PLPP1: variants seen among roughly 807,000 people sequenced by gnomAD.
PLPP1 encodes phospholipid phosphatase 1, also known as lipid phosphate phosphohydrolase 1a.
PLPP1 carries 24 observed loss-of-function variants against 31.2 expected under a neutral mutation model. The ratio of observed to expected loss-of-function variants is 0.77; its 90% CI spans 0.56 to 1.08. PLPP1 has a LOEUF of 1.08. PLPP1 is among the 50% of genes least tolerant of loss of function. PLPP1 has a pLI of 0.00. For synonymous variants in PLPP1, 146 were observed against 126.3 expected (o/e 1.16, Z -1.05); for missense variants, 319 against 342.7 (o/e 0.93, Z 0.55).
Position 55,472,030 on chromosome 5 carries a change from G to A in PLPP1, c.210+3269C>T, listed in dbSNP as rs1483392718. ...CCAGCTCCTCAGGTGGCTGAAGCAGGAGAATCACTTAAACCCAGGAGGTTG... is the reference window on the plus strand; with the variant it reads ...CCAGCTCCTCAGGTGGCTGAAGCAGAAGAATCACTTAAACCCAGGAGGTTG... On this transcript the variant is annotated intron_variant, in intron 2 of 5. Coordinates refer to ENST00000307259, the MANE Select transcript of PLPP1 (RefSeq NM_003711.4). Among the ~76,000 whole-genome samples the A allele has an allele frequency of 2.0e-5, 3 of 152,140 alleles. No individual in the cohort carries two copies. In the East Asian group the frequency reaches 5.8e-4, roughly 29 times the overall value.
Position 55,464,931 on chromosome 5 carries a change from C to T in PLPP1, c.491+2938G>A, listed in dbSNP as rs377151536. Among the ~76,000 whole-genome samples, 11 of 152,156 alleles carry T rather than the reference C, an allele frequency of 7.2e-5. No individual in the cohort carries two copies. In the South Asian group the frequency reaches 2.3e-3, roughly 32 times the overall value. ...ACTTAAAATGGGCAAAATTTTATGT[C>T]ATGTGAATTATACCTCAAAAAAGCT... On this transcript the variant is annotated intron_variant, in intron 3 of 5. Transcript: ENST00000307259.
chr5:55,512,396 G>A (rs1328304441), intron 1 of PLPP1, among the ~76,000 whole-genome samples: 5 of 151,290 alleles, frequency 3.3e-5, no homozygotes, highest in South Asian at 4.2e-4. Flanking sequence ...ACTTGAACCC[G>A]GGAAGTGGAG....
intron 4 of PLPP1, among the ~76,000 whole-genome samples, chr5:55,441,443 C>T (rs1167821001): frequency 6.6e-6 from 1 of 152,196 alleles, no homozygotes; most frequent in Non-Finnish European, 1.5e-5. Flanking sequence ...CAAATAGGAA[C>T]AAGGACAGCT....
At chr5:55,526,465 T>C (rs1163076899) in intron 1 of PLPP1, among the ~76,000 whole-genome samples, 1 of 152,180 alleles carries the variant, frequency 6.6e-6, no homozygotes, top group Non-Finnish European at 1.5e-5. Context: ...AGAAAAAGCC[T>C]TGCAATAGGA....
At chr5:55,436,740 T>G (rs1007115973) in intron 4 of PLPP1, among the ~76,000 whole-genome samples, 1 of 152,202 alleles carries the variant, frequency 6.6e-6, no homozygotes, top group Non-Finnish European at 1.5e-5. Flanking sequence ...TTCTTTTGTT[T>G]AAAAATTAAT....
At chr5:55,532,303 T>C (rs1740697677) in intron 1 of PLPP1, among the ~76,000 whole-genome samples, 4 of 152,214 alleles carry the variant, frequency 2.6e-5, no homozygotes, top group Admixed American at 1.3e-4. Context: ...AGCAGTATTA[T>C]GTTTCAGCCA....
chr5:55,512,480 A>G (rs113031200), intron 1 of PLPP1, among the ~76,000 whole-genome samples: 170 of 7,694 alleles, frequency 0.022, 1 homozygote, highest in African/African-American at 0.043. Context: ...AAAAAAAAAA[A>G]AAAGAAAGAA....
intron 1 of PLPP1, chr5:55,530,794 G>GTCA: frequency 1.4e-6 from 2 of 1,475,168 alleles, no homozygotes; most frequent in South Asian, 2.3e-5. Context: ...GTGCTGACAG[G>GTCA]GCGCGGTCCG....
intron 3 of PLPP1, among the ~76,000 whole-genome samples, chr5:55,457,380 T>C (rs897234906): frequency 1.3e-5 from 2 of 152,052 alleles, no homozygotes; most frequent in African/African-American, 4.8e-5. Context: ...AGTAACAGTA[T>C]ATGGCAGCCA....
At chr5:55,510,662 G>A (rs1389444688) in intron 1 of PLPP1, among the ~76,000 whole-genome samples, 1 of 151,984 alleles carries the variant, frequency 6.6e-6, no homozygotes, top group African/African-American at 2.4e-5. Flanking sequence ...ATGCCTACTT[G>A]CCATTCTAGC....
At chr5:55,480,666 C>A (rs564581903) in intron 1 of PLPP1, among the ~76,000 whole-genome samples, 2 of 152,184 alleles carry the variant, frequency 1.3e-5, no homozygotes, top group Admixed American at 6.5e-5. Flanking sequence ...TATGTATATA[C>A]CACATTTGGT....
rs540383561 is a variant in PLPP1 at position 55,501,827 on chromosome 5, T to C, written c.59-26377A>G. Among the ~76,000 whole-genome samples, 8 of 152,294 alleles carry C rather than the reference T, an allele frequency of 5.3e-5. No homozygotes were observed. The South Asian group carries it at 1.5e-3, about 28-fold the overall frequency. On this transcript the variant is annotated intron_variant, in intron 1 of 5. Coordinates refer to ENST00000307259, the MANE Select transcript of PLPP1 (RefSeq NM_003711.4). Reference sequence around the variant, plus strand: ...CCACTAACTTTTTAAATTGGAAATTTTGTTGTAACATTTTGGGCCCTTCCA... The same window carrying C: ...CCACTAACTTTTTAAATTGGAAATTCTGTTGTAACATTTTGGGCCCTTCCA...
Position 55,424,916 on chromosome 5 carries a change from A to ATG in PLPP1, c.*289_*290insCA. ...AAATCAAACATCATTCATAGAAAGCATATTACATACATGTTTATACATAAG... is the reference window on the plus strand; with the variant it reads ...AAATCAAACATCATTCATAGAAAGCATGTATTACATACATGTTTATACATAAG... On this transcript the variant is annotated 3_prime_UTR_variant, in exon 6 of 6. Transcript: ENST00000307259. The ATG allele has an allele frequency of 1.5e-6, 1 of 656,276 alleles. No homozygotes were observed. Among genetic ancestry groups the ATG allele is most frequent in the Non-Finnish European group, 2.6e-6 (1 of 383,220 alleles). The allele number at this position is 656,276 out of a possible 1,614,324, so 40.7% of individuals were successfully genotyped here. A position where few individuals can be genotyped will look rare whatever the true frequency, so the allele number is the denominator to read the frequency against.
intron 1 of PLPP1, among the ~76,000 whole-genome samples, chr5:55,482,085 T>G (rs1477631131): frequency 6.8e-6 from 1 of 147,742 alleles, no homozygotes; most frequent in Non-Finnish European, 1.5e-5. Context: ...TAATTATATA[T>G]TTATATTTAA....
intron 3 of PLPP1, among the ~76,000 whole-genome samples, chr5:55,459,324 A>G (rs1380502098): frequency 6.6e-6 from 1 of 152,144 alleles, no homozygotes; most frequent in Non-Finnish European, 1.5e-5. Flanking sequence ...GGACAAAAAG[A>G]CAATTCAACA....
At chr5:55,444,085 T>C (rs1429102333) in intron 3 of PLPP1, among the ~76,000 whole-genome samples, 1 of 123,904 alleles carries the variant, frequency 8.1e-6, no homozygotes, top group East Asian at 2.5e-4. Flanking sequence ...GCCCAAATGC[T>C]TTTTTTTTTT....
At chr5:55,462,801 A>G (rs1275421) in intron 3 of PLPP1, among the ~76,000 whole-genome samples, 6 of 151,904 alleles carry the variant, frequency 3.9e-5, no homozygotes, top group African/African-American at 1.4e-4. Flanking sequence ...GTGAAACCCC[A>G]TCTCTACTAA....
chr5:55,498,081 A>T (rs1753041431), intron 1 of PLPP1, among the ~76,000 whole-genome samples: 1 of 152,150 alleles, frequency 6.6e-6, no homozygotes, highest in Non-Finnish European at 1.5e-5. Context: ...GGGAGCTGAA[A>T]CCTAAAAGTG....
At chr5:55,495,677 A>C (rs1370797236) in intron 1 of PLPP1, among the ~76,000 whole-genome samples, 1 of 152,032 alleles carries the variant, frequency 6.6e-6, no homozygotes, top group African/African-American at 2.4e-5. Context: ...TCATTGTCTA[A>C]GCATGCCTTT....
Sources: allele counts gnomAD v4.1 joint callset (sites outside exome capture counted in the v4.1 genomes callset), GRCh38; gene constraint gnomAD v4.1.1; transcripts MANE v1.5; gene names NCBI Gene and HGNC (gene_info 2026-07-23, HGNC 2026-07-21).